Variants in SUFU observed in about 807,000 individuals in gnomAD.
SUFU encodes the protein SUFU negative regulator of hedgehog signaling.
SUFU carries 7 observed loss-of-function variants against 58.9 expected under a neutral mutation model. The observed-to-expected ratio is 0.12, with a 90% confidence interval of 0.07 to 0.22. SUFU has a LOEUF of 0.22. Among genes scored for constraint, SUFU ranks in the 10% least tolerant of loss-of-function variants. The pLI is 1.00. For synonymous variants in SUFU, 232 were observed against 254.8 expected (o/e 0.91, Z 0.85); for missense variants, 451 against 641.3 (o/e 0.70, Z 3.20).
At chr10:102,565,367 G>A (rs1451909095) in intron 3 of SUFU, among the ~76,000 whole-genome samples, 1 of 152,182 alleles carries the variant, frequency 6.6e-6, no homozygotes, top group Non-Finnish European at 1.5e-5. Flanking sequence ...TGGGTCCTGT[G>A]CTCTGTGGCC....
chr10:102,541,539 C>T (rs1407595835), intron 2 of SUFU, among the ~76,000 whole-genome samples: 1 of 151,618 alleles, frequency 6.6e-6, no homozygotes. Flanking sequence ...GCTGGAACTA[C>T]AGGCATGTGC....
chr10:102,612,308 A>AT (rs1317735136), intron 8 of SUFU, among the ~76,000 whole-genome samples: 4 of 151,268 alleles, frequency 2.6e-5, no homozygotes, highest in Middle Eastern at 3.4e-3. Context: ...GCATTTTGCA[A>AT]TTTTTTTTTC....
intron 2 of SUFU, among the ~76,000 whole-genome samples, chr10:102,527,975 CCTGT>C (rs945081401): frequency 6.6e-6 from 1 of 152,140 alleles, no homozygotes; most frequent in Non-Finnish European, 1.5e-5. Flanking sequence ...ATTGGCCTAG[CCTGT>C]CTTTTTTTAT....
intron 3 of SUFU, among the ~76,000 whole-genome samples, chr10:102,551,375 C>T (rs1426308575): frequency 1.3e-5 from 2 of 152,096 alleles, no homozygotes; most frequent in East Asian, 1.9e-4. Context: ...CAGTGGCTCA[C>T]GCCTGTAATC....
intron 1 of SUFU, among the ~76,000 whole-genome samples, chr10:102,506,835 T>C (rs941253711): frequency 3.3e-5 from 5 of 152,196 alleles, no homozygotes; most frequent in African/African-American, 4.8e-5. Flanking sequence ...AGCTTGGGAT[T>C]CATTTTGCAA....
At chr10:102,574,869 A>G (rs2135812818) in intron 3 of SUFU, among the ~76,000 whole-genome samples, 1 of 152,254 alleles carries the variant, frequency 6.6e-6, no homozygotes, top group East Asian at 1.9e-4. Flanking sequence ...AGCCTAGCCA[A>G]TATGGTGAAA....
At chr10:102,550,561 C>T (rs1297988340) in intron 3 of SUFU, among the ~76,000 whole-genome samples, 1 of 152,122 alleles carries the variant, frequency 6.6e-6, no homozygotes, top group Non-Finnish European at 1.5e-5. Context: ...CATGGTCTCT[C>T]AAAGCATGGT....
At chr10:102,560,690 G>A (rs894784163) in intron 3 of SUFU, among the ~76,000 whole-genome samples, 3 of 152,026 alleles carry the variant, frequency 2.0e-5, no homozygotes, top group Non-Finnish European at 4.4e-5. Context: ...TCTTTTTAAC[G>A]CGACACTTTT....
At chr10:102,585,311 A>G (rs899354373) in intron 3 of SUFU, among the ~76,000 whole-genome samples, 1 of 152,194 alleles carries the variant, frequency 6.6e-6, no homozygotes, top group Non-Finnish European at 1.5e-5. Context: ...TGGACATTCC[A>G]TATGGATGGA....
chr10:102,610,408 A>G (rs889221785), intron 8 of SUFU, among the ~76,000 whole-genome samples: 2 of 151,988 alleles, frequency 1.3e-5, no homozygotes, highest in Non-Finnish European at 2.9e-5. Flanking sequence ...AAAAAAGAAA[A>G]AGAGAAAAGA....
At chr10:102,594,686 T>C (rs1564697733) in intron 6 of SUFU, among the ~76,000 whole-genome samples, 1 of 152,174 alleles carries the variant, frequency 6.6e-6, no homozygotes, top group Non-Finnish European at 1.5e-5. Context: ...TCCTTTGTCA[T>C]GCAGGTAAAG....
At chr10:102,504,625 ACGTGGTGAAAAGAGGGGG>A (rs892037193) in intron 1 of SUFU, among the ~76,000 whole-genome samples, 14 of 129,090 alleles carry the variant, frequency 1.1e-4, no homozygotes, top group African/African-American at 3.8e-4. Context: ...GGAACTGTAA[ACGTGGTGAAAAGAGGGGG>A]CGCCTGTAGG....
chr10:102,599,302 C>T (rs975239396), intron 7 of SUFU, 131 bp from the exon 8 acceptor site: 85 of 758,946 alleles, frequency 1.1e-4, no homozygotes, highest in Non-Finnish European at 1.9e-4. Context: ...CATCTGGATG[C>T]GTAGAGTGGG....
chr10:102,595,639 C>T (rs2063453782), intron 6 of SUFU, among the ~76,000 whole-genome samples: 1 of 152,126 alleles, frequency 6.6e-6, no homozygotes, highest in Non-Finnish European at 1.5e-5. Context: ...CCCACAGGAC[C>T]CGGAGCACCT....
chr10:102,517,649 C>G (rs1032332240), intron 2 of SUFU, among the ~76,000 whole-genome samples: 18 of 152,214 alleles, frequency 1.2e-4, no homozygotes, highest in African/African-American at 3.6e-4. Context: ...TGAATTCATT[C>G]ATGTATCTTG....
intron 2 of SUFU, among the ~76,000 whole-genome samples, chr10:102,544,797 C>T (rs2062836659): frequency 6.6e-6 from 1 of 152,180 alleles, no homozygotes; most frequent in Non-Finnish European, 1.5e-5. Context: ...TAGTTTCTGG[C>T]AACCACCAAC....
intron 10 of SUFU, chr10:102,618,992 C>T (rs1419311130): frequency 1.7e-5 from 21 of 1,237,822 alleles, no homozygotes; most frequent in Admixed American, 1.4e-4. Flanking sequence ...TGTTCAAGCA[C>T]GTTTTCCTGG....
chr10:102,528,203 C>T (rs1371066922), intron 2 of SUFU, among the ~76,000 whole-genome samples: 2 of 152,084 alleles, frequency 1.3e-5, no homozygotes, highest in African/African-American at 2.4e-5. Context: ...AGATGTCCAG[C>T]AGGGGATGGT....
chr10:102,588,116 G>A (rs563967452), intron 3 of SUFU, among the ~76,000 whole-genome samples: 1 of 152,108 alleles, frequency 6.6e-6, no homozygotes, highest in Non-Finnish European at 1.5e-5. Context: ...ATGCCCACAG[G>A]CTGGGCGCAG....
Sources: gnomAD v4.1 joint callset for allele counts (sites outside exome capture counted in the v4.1 genomes callset) on GRCh38, gnomAD v4.1.1 for gene constraint, MANE v1.5 for transcripts, NCBI Gene and HGNC (gene_info 2026-07-23, HGNC 2026-07-21) for gene names.